The following MMP24 variants were observed in gnomAD, a reference collection of about 807,000 sequenced individuals.
MMP24 encodes the protein matrix metalloproteinase-24.
MMP24 carries 25 observed loss-of-function variants against 62.8 expected under a neutral mutation model. The observed-to-expected ratio is 0.40, with a 90% CI of 0.29 to 0.56. The LOEUF is 0.56. Among genes scored for constraint, MMP24 ranks in the 20% least tolerant of loss-of-function variants. The pLI is 0.50. For synonymous variants in MMP24, 319 were observed against 350.5 expected (o/e 0.91, Z 1.00); for missense variants, 634 against 853.6 (o/e 0.74, Z 3.21).
rs1390011359 is a variant in MMP24, at chr20:35,274,864, T to C, written c.*255T>C. On this transcript the variant is annotated 3_prime_UTR_variant, in exon 9 of 9. Coordinates refer to ENST00000246186, the MANE Select transcript of MMP24 (RefSeq NM_006690.4). The surrounding 1 kb of genome is among the most constrained non-coding windows in gnomAD (Gnocchi z 5.1). ...GCAAACTACTCCCTACTTAAGGGAA[T>C]AGGCCAGGCTCCATCCGGAGGCAGG... 3.9e-6 allele frequency: 2 copies of C among 513,860 alleles called. No homozygotes were observed. The highest frequency in any genetic ancestry group is 7.0e-6 in the Non-Finnish European group (2 of 287,736). 31.8% of individuals were successfully genotyped at this position (513,860 alleles called of 1,614,324 possible). A position where few individuals can be genotyped will look rare whatever the true frequency, so the allele number is the denominator to read the frequency against.
rs190003423 is a variant in MMP24 at position 35,269,745 on chromosome 20, C to T, written c.1195-15C>T. Reference sequence around the variant, plus strand: ...GCCTGACACACCTCTCTCCCCCTCTCCCGCTTCCTCCCAGGATCGCTGGTT... The same window carrying T: ...GCCTGACACACCTCTCTCCCCCTCTTCCGCTTCCTCCCAGGATCGCTGGTT... On this transcript the variant is annotated splice_polypyrimidine_tract_variant and intron_variant, in intron 6 of 8. Coordinates refer to ENST00000246186, the MANE Select transcript of MMP24 (RefSeq NM_006690.4). The surrounding 1 kb of genome is among the most constrained non-coding windows in gnomAD (Gnocchi z 4.6). The T allele has an allele frequency of 8.9e-6, 14 of 1,564,322 alleles. No individual in the cohort carries two copies. In the African/African-American group the frequency reaches 1.9e-4, roughly 21 times the overall value.
At chr20:35,232,342 AGCACAGTGCAT>A (rs1166756064) in intron 1 of MMP24, among the ~76,000 whole-genome samples, 10 of 152,350 alleles carry the variant, frequency 6.6e-5, no homozygotes, top group African/African-American at 2.4e-4. Flanking sequence ...CTCAGTACCT[AGCACAGTGCAT>A]GATACATTCT....
At chr20:35,233,883 G>C (rs1198428469) in intron 1 of MMP24, among the ~76,000 whole-genome samples, 2 of 152,190 alleles carry the variant, frequency 1.3e-5, no homozygotes, top group Non-Finnish European at 2.9e-5. Flanking sequence ...TACTTGGGAG[G>C]CTGAGGCAGG....
At chr20:35,238,755 A>G (rs544047609) in intron 1 of MMP24, among the ~76,000 whole-genome samples, 6 of 152,194 alleles carry the variant, frequency 3.9e-5, no homozygotes, top group African/African-American at 1.4e-4. Context: ...CTGCTCAAAG[A>G]GATTGTCCCT....
intron 1 of MMP24, among the ~76,000 whole-genome samples, chr20:35,235,622 C>T (rs958682987): frequency 5.9e-5 from 9 of 152,188 alleles, no homozygotes; most frequent in East Asian, 3.9e-4. Context: ...CACTTGAACC[C>T]GAGAGGCGGA....
chr20:35,240,272 C>T (rs1016289943), intron 1 of MMP24, among the ~76,000 whole-genome samples: 2 of 152,146 alleles, frequency 1.3e-5, no homozygotes, highest in Non-Finnish European at 2.9e-5. Flanking sequence ...TTTGGCTTCT[C>T]AGGAACCCAA....
At chr20:35,273,935 G>T (rs909448759) in intron 8 of MMP24, among the ~76,000 whole-genome samples, 2 of 152,216 alleles carry the variant, frequency 1.3e-5, no homozygotes, top group Non-Finnish European at 2.9e-5. Flanking sequence ...CATGAGCGGG[G>T]CAAGGGGGAC....
intron 1 of MMP24, among the ~76,000 whole-genome samples, chr20:35,235,421 T>G (rs2060458142): frequency 1.3e-5 from 2 of 151,780 alleles, no homozygotes; most frequent in African/African-American, 4.8e-5. Context: ...TTAGGCCAGG[T>G]GCAGTGGCTC....
At chr20:35,227,871 G>A (rs568716668) in intron 1 of MMP24, among the ~76,000 whole-genome samples, 1 of 152,314 alleles carries the variant, frequency 6.6e-6, no homozygotes, top group East Asian at 1.9e-4. Context: ...CACACAGCTA[G>A]TGAGTGATGG....
chr20:35,258,735 G>C (rs959726448), intron 4 of MMP24, among the ~76,000 whole-genome samples: 3 of 151,778 alleles, frequency 2.0e-5, no homozygotes, highest in Non-Finnish European at 4.4e-5. Flanking sequence ...TGTTGAGGTC[G>C]AGCATTTGCT....
At chr20:35,235,526 T>C (rs2060458631) in intron 1 of MMP24, among the ~76,000 whole-genome samples, 1 of 152,082 alleles carries the variant, frequency 6.6e-6, no homozygotes, top group African/African-American at 2.4e-5. Flanking sequence ...TGAAACCCTG[T>C]CTTTACTAAA....
intron 1 of MMP24, among the ~76,000 whole-genome samples, chr20:35,243,952 A>G (rs1016336177): frequency 3.9e-5 from 6 of 152,246 alleles, no homozygotes; most frequent in African/African-American, 1.4e-4. Flanking sequence ...AGAGACAGAA[A>G]GTTGTTACTT....
rs1470857872 is a variant in MMP24, at chr20:35,243,274, C to G, written c.247-3566C>G. The stretch of plus-strand genomic sequence containing the variant: ...GTATACTTCAAGGCTTAGCTTAAAT[C>G]TCATCTCTATCTGGAAGCCGTCCCT... On this transcript the variant is annotated intron_variant, in intron 1 of 8. Transcript: ENST00000246186. Among the ~76,000 whole-genome samples the G allele has an allele frequency of 2.0e-5, 3 of 152,130 alleles. No individual in the cohort carries two copies. The East Asian group carries it at 5.8e-4, about 29-fold the overall frequency.
chr20:35,253,690 A>T (rs942486935), intron 3 of MMP24, among the ~76,000 whole-genome samples: 1 of 152,162 alleles, frequency 6.6e-6, no homozygotes, highest in African/African-American at 2.4e-5. Context: ...TAAATCAGAT[A>T]CCGGCCAGCT....
chr20:35,264,000 G>C (rs2060618346), intron 5 of MMP24, 48 bp downstream of exon 5: 1 of 1,531,382 alleles, frequency 6.5e-7, no homozygotes, highest in Non-Finnish European at 8.8e-7. Flanking sequence ...GGGCTGGGCT[G>C]TGACTGCCTA....
At chr20:35,231,374 C>T (rs1352334508) in intron 1 of MMP24, among the ~76,000 whole-genome samples, 1 of 152,146 alleles carries the variant, frequency 6.6e-6, no homozygotes, top group African/African-American at 2.4e-5. Flanking sequence ...GAGTGACCTA[C>T]TAAGAAGCAC....
Position 35,226,770 on chromosome 20 carries a change from CG to C in MMP24, c.36del (p.Pro13ArgfsTer73). On this transcript the variant is annotated frameshift_variant, in exon 1 of 9. Coordinates refer to ENST00000246186, the MANE Select transcript of MMP24 (RefSeq NM_006690.4). LOFTEE classifies it high-confidence loss of function. Reference sequence around the variant, plus strand: ...AGGAGCCGGGGCGGCCGCGCCGCGCCGGGGCCGCCGCCGCCGCCGCCGCCGC... The same window carrying C: ...AGGAGCCGGGGCGGCCGCGCCGCGCCGGGCCGCCGCCGCCGCCGCCGCCGC... Reference protein sequence around the residue: MPRSRGGRAAPGPPPPPPPPG... With the variant: MPRSRGGRAAXGPPPPPPPPG... 1.7e-6 allele frequency: 1 copy of C among 602,532 alleles called. No individual in the cohort carries two copies. Among genetic ancestry groups the C allele is most frequent in the Non-Finnish European group, 1.8e-6 (1 of 552,080 alleles). The allele number at this position is 602,532 out of a possible 1,614,324, so 37.3% of individuals were successfully genotyped here.
intron 4 of MMP24, among the ~76,000 whole-genome samples, chr20:35,261,671 G>C (rs1411578837): frequency 6.6e-6 from 1 of 151,980 alleles, no homozygotes; most frequent in Non-Finnish European, 1.5e-5. Flanking sequence ...CACAACCAAG[G>C]TCCTGCAGAG....
At chr20:35,254,340 T>C in intron 3 of MMP24, 110 bp from the exon 4 acceptor site, 10 of 1,107,824 alleles carry the variant, frequency 9.0e-6, no homozygotes, top group Non-Finnish European at 1.3e-5. Context: ...TAAGCAGAAT[T>C]CTAGGGTTCA....
Sources: gnomAD v4.1 joint callset for allele counts (sites outside exome capture counted in the v4.1 genomes callset) on GRCh38, gnomAD v4.1.1 for gene constraint, Gnocchi (gnomAD v3.1) non-coding constraint, MANE v1.5 for transcripts, NCBI Gene and HGNC (gene_info 2026-07-23, HGNC 2026-07-21) for gene names.